Variants in DYNC2I2 observed in about 807,000 individuals in gnomAD.
The protein encoded by DYNC2I2 is dynein 2 intermediate chain 2, also known as cytoplasmic dynein 2 intermediate chain 2.
A neutral mutation model predicts 52.0 loss-of-function variants in DYNC2I2; 39 were observed. The ratio of observed to expected loss-of-function variants is 0.75; its 90% CI spans 0.58 to 0.98. The LOEUF is 0.98. Ranked by LOEUF, DYNC2I2 falls within the 50% of genes least tolerant of loss-of-function variation. The pLI is 0.00. For synonymous variants in DYNC2I2, 359 were observed against 321.1 expected (o/e 1.12, Z -1.26); for missense variants, 743 against 728.4 (o/e 1.02, Z -0.23).
At chr9:128,654,476 C>G (rs1860779006) in intron 1 of DYNC2I2, among the ~76,000 whole-genome samples, 1 of 152,100 alleles carries the variant, frequency 6.6e-6, no homozygotes. Context: ...TCACCTGGGA[C>G]CACTCTTCCC....
chr9:128,683,868 G>A, the DYNC2I2 span: 2 of 1,531,124 alleles, frequency 1.3e-6, no homozygotes, highest in South Asian at 1.2e-5. Flanking sequence ...GGAGACTCGT[G>A]GTCTGGTTCT....
chr9:128,642,453 CAAAAAAAA>C (rs34018869), intron 1 of DYNC2I2, among the ~76,000 whole-genome samples: 1 of 78,452 alleles, frequency 1.3e-5, no homozygotes, highest in African/African-American at 5.1e-5. Context: ...GAGACTTTCT[CAAAAAAAA>C]AAAAAAAAAA....
intron 1 of DYNC2I2, among the ~76,000 whole-genome samples, chr9:128,645,623 A>G (rs1373106595): frequency 1.1e-4 from 16 of 143,152 alleles, no homozygotes; most frequent in Non-Finnish European, 2.2e-4. Flanking sequence ...TCTCAAAAAA[A>G]AAAAAAAAAA....
chr9:128,640,905 C>G lies in DYNC2I2; in HGVS notation c.221G>C (p.Ser74Thr). The G allele has an allele frequency of 6.2e-7, 1 of 1,603,674 alleles. No individual in the cohort carries two copies. Among genetic ancestry groups the G allele is most frequent in the Non-Finnish European group, 8.5e-7 (1 of 1,173,440 alleles). The stretch of plus-strand genomic sequence containing the variant: ...ATGATTCCTGGCCTGGGCGGATGCA[C>G]TGGCAGTGGCAATGCTGGCCGTCTG... ...SCQTASIATASASAQARNHVD... is the reference protein window; with the variant it reads ...SCQTASIATATASAQARNHVD... The change falls in exon 2 of 9, where the codon AGT (serine) becomes ACT (threonine). Residue 74 changes from serine (S) to threonine (T), a missense_variant. Transcript: ENST00000372715.
Position 128,656,808 on chromosome 9 carries a change from G to T in DYNC2I2, c.-82C>A. 2.3e-6 allele frequency: 3 copies of T among 1,288,152 alleles called. No homozygotes were observed. The highest frequency in any genetic ancestry group is 3.0e-6 in the Non-Finnish European group (3 of 1,006,800). The allele number at this position is 1,288,152 out of a possible 1,614,324, so 79.8% of individuals were successfully genotyped here. A position where few individuals can be genotyped will look rare whatever the true frequency, so the allele number is the denominator to read the frequency against. ...CCGCCATGAGCGGAAAACGGGGAATGTGAGGCTGACGGCGCCATGTTTGAA... is the reference window on the plus strand; with the variant it reads ...CCGCCATGAGCGGAAAACGGGGAATTTGAGGCTGACGGCGCCATGTTTGAA... On this transcript the variant is annotated 5_prime_UTR_variant, in exon 1 of 9. Transcript: ENST00000372715.
chr9:128,681,015 A>G, the DYNC2I2 span, among the ~76,000 whole-genome samples: 1 of 151,924 alleles, frequency 6.6e-6, no homozygotes, highest in Non-Finnish European at 1.5e-5. Flanking sequence ...CATGGTGTAT[A>G]CTATTTTGTG....
upstream of DYNC2I2, among the ~76,000 whole-genome samples, chr9:128,659,070 G>T (rs765057577): frequency 6.6e-6 from 1 of 151,702 alleles, no homozygotes; most frequent in East Asian, 1.9e-4. Flanking sequence ...TCCCTTCAGG[G>T]CCCAAGATTC....
At chr9:128,644,605 A>G (rs1860578168) in intron 1 of DYNC2I2, among the ~76,000 whole-genome samples, 1 of 152,008 alleles carries the variant, frequency 6.6e-6, no homozygotes, top group African/African-American at 2.4e-5. Flanking sequence ...AGATTGTCTG[A>G]CCTCACGACA....
intron 5 of DYNC2I2, 37 bp from the exon 6 acceptor site, chr9:128,635,296 G>A (rs1482664250): frequency 4.4e-6 from 7 of 1,603,124 alleles, no homozygotes; most frequent in Non-Finnish European, 6.0e-6. Context: ...ATGGAGACAA[G>A]GGACACCTGC....
At chr9:128,662,185 A>G in the DYNC2I2 span, among the ~76,000 whole-genome samples, 1 of 150,476 alleles carries the variant, frequency 6.6e-6, no homozygotes, top group Non-Finnish European at 1.5e-5. Flanking sequence ...GTGAGCCGAG[A>G]TTGCGCCATT....
Position 128,641,799 on chromosome 9 carries a change from T to G in DYNC2I2, c.187-860A>C, listed in dbSNP as rs151109756. 1.6e-3 allele frequency among the ~76,000 whole-genome samples: 245 copies of G among 152,176 alleles called. 1 individual carries two copies. Among genetic ancestry groups the G allele is most frequent in the Non-Finnish European group, 2.5e-3 (168 of 68,006 alleles). ...AGGACTCACCAGGACAGTTCTCTTC[T>G]GAACACACAGGCCTCAGCACTGGTA... is the stretch of plus-strand genomic sequence containing the variant. On this transcript the variant is annotated intron_variant, in intron 1 of 8. Transcript: ENST00000372715.
chr9:128,672,624 A>G, the DYNC2I2 span, among the ~76,000 whole-genome samples: 1 of 152,026 alleles, frequency 6.6e-6, no homozygotes, highest in Non-Finnish European at 1.5e-5. Flanking sequence ...AAAAAAAAGG[A>G]AAAAAATTTC....
chr9:128,683,032 T>C, the DYNC2I2 span, among the ~76,000 whole-genome samples: 2 of 151,026 alleles, frequency 1.3e-5, no homozygotes, highest in East Asian at 2.0e-4. Context: ...TCCCGCTCTG[T>C]CGCCTAGGCT....
In DYNC2I2 at chr9:128,650,244, C is replaced by T. The variant is rs1173194854; in HGVS notation, c.186+6297G>A. Among the ~76,000 whole-genome samples the T allele has an allele frequency of 3.6e-5, 2 of 55,054 alleles. 1 individual carries two copies. Among genetic ancestry groups the T allele is most frequent in the East Asian group, 5.8e-4 (2 of 3,450 alleles). 36.1% of individuals were successfully genotyped at this position (55,054 alleles called of 152,430 possible). On this transcript the variant is annotated intron_variant, in intron 1 of 8. Transcript: ENST00000372715. The stretch of plus-strand genomic sequence containing the variant: ...ACCTTTGAGAAGAGGAATGAGGAGG[C>T]CCCCCTCAGCTGAGACAGCAGGGCC...
At chr9:128,656,078 G>A (rs529265901) in intron 1 of DYNC2I2, among the ~76,000 whole-genome samples, 2 of 151,272 alleles carry the variant, frequency 1.3e-5, no homozygotes, top group Non-Finnish European at 2.9e-5. Context: ...CAGCGTGGTG[G>A]CCCGCGCCTG....
the DYNC2I2 span, among the ~76,000 whole-genome samples, chr9:128,668,265 G>A: frequency 4.3e-5 from 6 of 139,044 alleles, no homozygotes; most frequent in East Asian, 4.0e-4. Flanking sequence ...GGCCAGTCTC[G>A]ATCTCTTGAC....
At chr9:128,647,462 G>A (rs1860636878) in intron 1 of DYNC2I2, among the ~76,000 whole-genome samples, 1 of 152,010 alleles carries the variant, frequency 6.6e-6, no homozygotes, top group South Asian at 2.1e-4. Flanking sequence ...GGGGCCAGGC[G>A]CTATGGCTCA....
chr9:128,635,747 CCT>C lies in DYNC2I2; in HGVS notation c.722_723del (p.Glu241GlyfsTer10). 1 of 1,613,102 alleles carries C rather than the reference CCT, an allele frequency of 6.2e-7. No homozygotes were observed. The highest frequency in any genetic ancestry group is 8.5e-7 in the Non-Finnish European group (1 of 1,179,586). ...AGACGGCTCAGGTCCCACACCAACACCTCACCACTGTACAGCCCTCCTGCAGG... is the reference window on the plus strand; with the variant it reads ...AGACGGCTCAGGTCCCACACCAACACCACCACTGTACAGCCCTCCTGCAGG... ...SHVAGGLYSG[E>X]VLVWDLSRLE... On this transcript the variant is annotated frameshift_variant, in exon 5 of 9. Coordinates refer to ENST00000372715, the MANE Select transcript of DYNC2I2 (RefSeq NM_052844.4). LOFTEE classifies it high-confidence loss of function.
intron 1 of DYNC2I2, among the ~76,000 whole-genome samples, chr9:128,647,177 T>C (rs1860631018): frequency 1.3e-5 from 2 of 152,146 alleles, no homozygotes; most frequent in South Asian, 4.1e-4. Context: ...GCAAATTTCC[T>C]GTGAATTGGT....
Sources: allele counts gnomAD v4.1 joint callset (sites outside exome capture counted in the v4.1 genomes callset), GRCh38; gene constraint gnomAD v4.1.1; transcripts MANE v1.5; gene names NCBI Gene and HGNC (gene_info 2026-07-23, HGNC 2026-07-21).